CFAP299: variants seen among roughly 807,000 people sequenced by gnomAD.
CFAP299 encodes cilia- and flagella-associated protein 299.
Under a neutral mutation model 27.0 loss-of-function variants are expected in CFAP299, and 21 were observed. The ratio of observed to expected loss-of-function variants is 0.78; its 90% CI spans 0.55 to 1.12. The LOEUF (loss-of-function observed/expected upper bound fraction) is 1.12. Ranked by LOEUF, CFAP299 falls within the 50% of genes most tolerant of loss-of-function variation. The probability of loss-of-function intolerance (pLI) is 0.00; values close to 1 mark genes in which losing one functional copy is unlikely to be tolerated. For missense variants in CFAP299, 310 were observed against 276.6 expected (o/e 1.12, Z -0.86); for synonymous variants, 104 against 98.1 (o/e 1.06, Z -0.36).
chr4:80,539,904 G>T (rs1316828538), intron 2 of CFAP299, among the ~76,000 whole-genome samples: 1 of 152,184 alleles, frequency 6.6e-6, no homozygotes, highest in Admixed American at 6.5e-5. Context: ...TGTCCAAGAT[G>T]AGGGAAGCAA....
intron 3 of CFAP299, among the ~76,000 whole-genome samples, chr4:80,782,648 GAATATATAATATATTCATATATAA>G (rs1726970207): frequency 3.1e-5 from 3 of 95,948 alleles, no homozygotes; most frequent in South Asian, 2.9e-4. Flanking sequence ...ATACATATAT[GAATATATAATATATTCATATATAA>G]TATACATATA....
rs539125095 is a variant in CFAP299 at position 80,583,818 on chromosome 4, G to A, written c.333+635G>A. Among the ~76,000 whole-genome samples, 4 of 151,916 alleles carry A rather than the reference G, an allele frequency of 2.6e-5. No homozygotes were observed. In the East Asian group the frequency reaches 7.7e-4, roughly 29 times the overall value. On this transcript the variant is annotated intron_variant, in intron 3 of 5. Coordinates refer to ENST00000358105, the MANE Select transcript of CFAP299 (RefSeq NM_152770.3). Reference sequence around the variant, plus strand: ...AACATGTTCCAAATCAAATTTAATAGAAAAGGCAAATATTCATGCTAAAAC... The same window carrying A: ...AACATGTTCCAAATCAAATTTAATAAAAAAGGCAAATATTCATGCTAAAAC...
At chr4:80,703,195 A>AACCT (rs1721616740) in intron 3 of CFAP299, among the ~76,000 whole-genome samples, 1 of 151,770 alleles carries the variant, frequency 6.6e-6, no homozygotes, top group Non-Finnish European at 1.5e-5. Context: ...TATTCATTTG[A>AACCT]ACCTGGATCT....
chr4:80,407,538 T>G (rs1316012942), intron 2 of CFAP299, among the ~76,000 whole-genome samples: 1 of 152,208 alleles, frequency 6.6e-6, no homozygotes, highest in Non-Finnish European at 1.5e-5. Context: ...GGCAGGGATC[T>G]AATGGAGAAA....
At position 80,728,203 on chromosome 4, in the gene CFAP299, A is replaced by G. The variant is rs987494163; in HGVS notation, c.334-141790A>G. 1.1e-4 allele frequency among the ~76,000 whole-genome samples: 17 copies of G among 152,000 alleles called. No individual in the cohort carries two copies. The East Asian group carries it at 3.3e-3, about 29-fold the overall frequency. On this transcript the variant is annotated intron_variant, in intron 3 of 5. Coordinates refer to ENST00000358105, the MANE Select transcript of CFAP299 (RefSeq NM_152770.3). ...ATTTGTTGCACAATATCCTTTTTCT[A>G]TTCCCTTATGTTTCAAAACTTATAG...
intron 3 of CFAP299, among the ~76,000 whole-genome samples, chr4:80,787,907 C>T (rs1578124323): frequency 6.6e-6 from 1 of 151,822 alleles, no homozygotes; most frequent in East Asian, 1.9e-4. Flanking sequence ...TCCAGAAATC[C>T]CTCTTTCATA....
At chr4:80,845,989 A>G (rs1047981605) in intron 3 of CFAP299, among the ~76,000 whole-genome samples, 2 of 152,164 alleles carry the variant, frequency 1.3e-5, no homozygotes, top group Non-Finnish European at 2.9e-5. Flanking sequence ...TCTCTTTTCT[A>G]TAGTTCACTT....
At chr4:80,802,596 A>G (rs1248849974) in intron 3 of CFAP299, among the ~76,000 whole-genome samples, 2 of 152,048 alleles carry the variant, frequency 1.3e-5, no homozygotes, top group Non-Finnish European at 2.9e-5. Flanking sequence ...TGAAACCTAT[A>G]GTATATAGAA....
chr4:80,683,257 C>T (rs1055003123), intron 3 of CFAP299, among the ~76,000 whole-genome samples: 2 of 152,150 alleles, frequency 1.3e-5, no homozygotes, highest in Non-Finnish European at 2.9e-5. Context: ...CATCCCCATA[C>T]GTTCTCCTCT....
intron 3 of CFAP299, among the ~76,000 whole-genome samples, chr4:80,840,350 T>G (rs1386614334): frequency 6.6e-6 from 1 of 152,114 alleles, no homozygotes; most frequent in Non-Finnish European, 1.5e-5. Flanking sequence ...AGAAAGAACT[T>G]AGATGACATG....
intron 3 of CFAP299, among the ~76,000 whole-genome samples, chr4:80,690,412 G>T (rs991833340): frequency 4.6e-5 from 7 of 152,056 alleles, no homozygotes; most frequent in African/African-American, 1.4e-4. Flanking sequence ...CTCAACTATA[G>T]GGAAACTGAA....
At chr4:80,923,111 C>A (rs1403474936) in intron 4 of CFAP299, among the ~76,000 whole-genome samples, 1 of 152,000 alleles carries the variant, frequency 6.6e-6, no homozygotes, top group Non-Finnish European at 1.5e-5. Context: ...CATTTGCTAG[C>A]TCAAGGAGGG....
chr4:80,378,348 A>T (rs953995689), intron 2 of CFAP299, among the ~76,000 whole-genome samples: 34 of 152,270 alleles, frequency 2.2e-4, no homozygotes, highest in African/African-American at 7.7e-4. Context: ...TATGCAGAAG[A>T]TCATAAATTA....
chr4:80,794,391 C>T (rs1028718407), intron 3 of CFAP299, among the ~76,000 whole-genome samples: 3 of 152,172 alleles, frequency 2.0e-5, no homozygotes, highest in Non-Finnish European at 4.4e-5. Flanking sequence ...TCCACTTCCA[C>T]CCCTTGATTC....
intron 5 of CFAP299, among the ~76,000 whole-genome samples, chr4:80,954,937 T>A (rs544120913): frequency 6.9e-5 from 9 of 130,386 alleles, no homozygotes; most frequent in African/African-American, 2.6e-4. Context: ...GAGACGGAGC[T>A]TGCAGTGAGC....
intron 4 of CFAP299, among the ~76,000 whole-genome samples, chr4:80,921,356 T>C (rs1011492769): frequency 5.9e-5 from 9 of 151,896 alleles, no homozygotes; most frequent in African/African-American, 1.9e-4. Context: ...GAGGAGAACA[T>C]AGAAGGAATT....
intron 2 of CFAP299, among the ~76,000 whole-genome samples, chr4:80,562,339 T>G (rs1735072819): frequency 6.6e-6 from 1 of 152,084 alleles, no homozygotes; most frequent in South Asian, 2.1e-4. Flanking sequence ...GGCTCAAGCT[T>G]GTAATCCCAG....
At chr4:80,374,479 G>T (rs1724306996) in intron 2 of CFAP299, among the ~76,000 whole-genome samples, 1 of 152,056 alleles carries the variant, frequency 6.6e-6, no homozygotes, top group South Asian at 2.1e-4. Context: ...CTAGTTGTGG[G>T]GGTTTGCTAG....
At chr4:80,742,870 A>G (rs1724358233) in intron 3 of CFAP299, among the ~76,000 whole-genome samples, 1 of 152,206 alleles carries the variant, frequency 6.6e-6, no homozygotes, top group Non-Finnish European at 1.5e-5. Context: ...GCTCAAAAAA[A>G]CACAAATTTA....
Sources: gnomAD v4.1 joint callset for allele counts (sites outside exome capture counted in the v4.1 genomes callset) on GRCh38, gnomAD v4.1.1 for gene constraint, MANE v1.5 for transcripts, NCBI Gene and HGNC (gene_info 2026-07-23, HGNC 2026-07-21) for gene names.